Variants in UGP2 observed in about 807,000 individuals in gnomAD.
UGP2 encodes UDP-glucose pyrophosphorylase 2.
UGP2 carries 40 observed loss-of-function variants against 49.0 expected under a neutral mutation model. That is an observed-to-expected ratio of 0.82 (90% CI 0.63 to 1.06). The LOEUF (loss-of-function observed/expected upper bound fraction) is 1.06, where lower values mean the gene tolerates loss of function less well. Among genes scored for constraint, UGP2 ranks in the 50% least tolerant of loss-of-function variants. UGP2 has a pLI of 0.00. For synonymous variants in UGP2, 225 were observed against 213.0 expected, an observed-to-expected ratio of 1.06 and a Z score of -0.49; for missense variants, 460 against 603.5, an observed-to-expected ratio of 0.76 and a Z score of 2.49.
intron 3 of UGP2, among the ~76,000 whole-genome samples, chr2:63,877,299 G>A (rs1259354844): frequency 6.6e-6 from 1 of 152,242 alleles, no homozygotes; most frequent in Non-Finnish European, 1.5e-5. Context: ...TAGCTGCCAT[G>A]ATGTCAAGTT....
At chr2:63,873,571 G>T (rs541777897) in intron 3 of UGP2, among the ~76,000 whole-genome samples, 1 of 151,978 alleles carries the variant, frequency 6.6e-6, no homozygotes, top group Non-Finnish European at 1.5e-5. Context: ...GTAAATCGCC[G>T]GTCTTAGCTG....
chr2:63,844,142 T>G (rs1216310434), intron 1 of UGP2, among the ~76,000 whole-genome samples: 1 of 152,226 alleles, frequency 6.6e-6, no homozygotes, highest in Non-Finnish European at 1.5e-5. Flanking sequence ...CTCAAAATTT[T>G]TTGACATGAA....
At chr2:63,869,909 G>A (rs1670432698) in intron 3 of UGP2, among the ~76,000 whole-genome samples, 2 of 150,750 alleles carry the variant, frequency 1.3e-5, no homozygotes, top group South Asian at 2.1e-4. Flanking sequence ...TTATTTTAGA[G>A]TAATTAAAAT....
At position 63,884,063 on chromosome 2, in the gene UGP2, G is replaced by A. The variant is rs775790642; in HGVS notation, c.545G>A (p.Arg182His). 6.2e-6 allele frequency: 10 copies of A among 1,612,624 alleles called. No individual in the cohort carries two copies. Among genetic ancestry groups the A allele is most frequent in the East Asian group, 2.2e-5 (1 of 44,782 alleles). The stretch of plus-strand genomic sequence containing the variant: ...ATACTACAGAAGTACAATCATTGTC[G>A]TGTGAAAATCTACACTTTCAATCAA... ...KKILQKYNHC[R>H]VKIYTFNQSR... The change falls in exon 5 of 10, where the codon CGT becomes CAT. Residue 182 changes from arginine to histidine, a missense_variant. This residue lies in a region of UGP2 where 317 missense variants were observed against 473.0 expected (regional missense o/e 0.67). Transcript: ENST00000337130.
intron 7 of UGP2, 55 bp from the exon 8 acceptor site, chr2:63,887,340 GGAACTAA>G (rs1671754761): frequency 6.3e-7 from 1 of 1,580,154 alleles, no homozygotes; most frequent in East Asian, 2.2e-5. Flanking sequence ...TAACCTACAT[GGAACTAA>G]GTTGTAGGTG....
intron 3 of UGP2, among the ~76,000 whole-genome samples, chr2:63,865,043 CCT>C (rs1670086757): frequency 6.6e-6 from 1 of 152,176 alleles, no homozygotes; most frequent in Non-Finnish European, 1.5e-5. Context: ...GTCACATCTC[CCT>C]GTCTGAAGTA....
chr2:63,887,357 G>C lies in UGP2; in HGVS notation c.1072-45G>C, dbSNP rs1671755773. 44 of 1,609,476 alleles carry C rather than the reference G, an allele frequency of 2.7e-5. 1 individual carries two copies. The East Asian group carries it at 9.8e-4, about 36-fold the overall frequency. The stretch of plus-strand genomic sequence containing the variant: ...ACCTACATGGAACTAAGTTGTAGGT[G>C]CCTAAAACCTCTGTTTTCTATTCCC... On this transcript the variant is annotated intron_variant, in intron 7 of 9. Transcript: ENST00000337130.
At chr2:63,852,563 A>G (rs915904739) in intron 1 of UGP2, among the ~76,000 whole-genome samples, 4 of 152,240 alleles carry the variant, frequency 2.6e-5, no homozygotes, top group Admixed American at 2.6e-4. Context: ...TGAGAATTTC[A>G]TCAAACAAGG....
chr2:63,845,573 G>T (rs1371593337), intron 1 of UGP2, among the ~76,000 whole-genome samples: 8 of 150,630 alleles, frequency 5.3e-5, no homozygotes, highest in Admixed American at 3.3e-4. Context: ...TGGACAATAT[G>T]AATTTGGTTG....
chr2:63,879,377 A>AT (rs1173766792), intron 3 of UGP2, among the ~76,000 whole-genome samples: 2 of 152,218 alleles, frequency 1.3e-5, no homozygotes, highest in African/African-American at 4.8e-5. Flanking sequence ...TACTTTTATA[A>AT]TAAGCATTTA....
intron 3 of UGP2, among the ~76,000 whole-genome samples, chr2:63,860,757 A>T (rs1305277401): frequency 7.0e-6 from 1 of 143,696 alleles, no homozygotes; most frequent in South Asian, 2.2e-4. Context: ...CACCAGGCCC[A>T]GCTAATTTTT....
At chr2:63,842,604 G>A (rs1005112739) in intron 1 of UGP2, 3 of 1,456,786 alleles carry the variant, frequency 2.1e-6, no homozygotes, top group Non-Finnish European at 2.7e-6. Flanking sequence ...AGCCGGGTGG[G>A]TTTTGCCGGG....
chr2:63,845,278 G>A (rs564889427), intron 1 of UGP2, among the ~76,000 whole-genome samples: 2 of 152,282 alleles, frequency 1.3e-5, no homozygotes, highest in Admixed American at 1.3e-4. Context: ...GGGCAGTAAT[G>A]CTTATGCCTC....
intron 5 of UGP2, 98 bp downstream of exon 5, chr2:63,884,191 A>G: frequency 7.1e-7 from 1 of 1,415,160 alleles, no homozygotes; most frequent in Non-Finnish European, 9.6e-7. Flanking sequence ...TACAGGTACC[A>G]AATATTGATG....
At chr2:63,891,068 T>G in intron 9 of UGP2, 52 bp from the exon 10 acceptor site, 3 of 1,495,510 alleles carry the variant, frequency 2.0e-6, no homozygotes, top group Non-Finnish European at 2.8e-6. Context: ...TGTAAGATAA[T>G]CAAATTGCAT....
intron 1 of UGP2, among the ~76,000 whole-genome samples, chr2:63,852,287 C>T (rs1669093793): frequency 6.6e-6 from 1 of 152,212 alleles, no homozygotes; most frequent in African/African-American, 2.4e-5. Flanking sequence ...ATTAGATATG[C>T]ATATCTTTCC....
chr2:63,888,812 A>G (rs1035316051), intron 8 of UGP2: 3 of 152,250 alleles, frequency 2.0e-5, no homozygotes, highest in African/African-American at 7.2e-5. Context: ...CGTTATAACA[A>G]AGTAACATTG....
chr2:63,870,384 G>T (rs1670472009), intron 3 of UGP2, among the ~76,000 whole-genome samples: 1 of 152,094 alleles, frequency 6.6e-6, no homozygotes, highest in South Asian at 2.1e-4. Flanking sequence ...ATATGTGATT[G>T]TTCATTCTAT....
At chr2:63,884,256 A>G (rs1348113029) in intron 5 of UGP2, 163 bp downstream of exon 5, 8 of 832,886 alleles carry the variant, frequency 9.6e-6, no homozygotes, top group African/African-American at 3.5e-5. Context: ...TGTGATTGTT[A>G]TAATCACTCT....
Sources: allele counts gnomAD v4.1 joint callset (sites outside exome capture counted in the v4.1 genomes callset), GRCh38; gene constraint gnomAD v4.1.1; regional missense constraint gnomAD v4.1.1; transcripts MANE v1.5; gene names NCBI Gene and HGNC (gene_info 2026-07-23, HGNC 2026-07-21).